Variants in ZFR observed in about 807,000 individuals in gnomAD.
ZFR encodes the protein zinc finger RNA binding protein.
Under a neutral mutation model 130.7 loss-of-function variants are expected in ZFR, and 19 were observed. The observed-to-expected ratio is 0.15, with a 90% CI of 0.10 to 0.21. ZFR has a LOEUF of 0.21. Among genes scored for constraint, ZFR ranks in the 10% least tolerant of loss-of-function variants. The pLI is 1.00. For synonymous variants in ZFR, 466 were observed against 456.9 expected, an observed-to-expected ratio of 1.02 and a Z score of -0.25; for missense variants, 872 against 1,321.5, an observed-to-expected ratio of 0.66 and a Z score of 5.27.
intron 17 of ZFR, among the ~76,000 whole-genome samples, chr5:32,368,607 T>C (rs1224130504): frequency 6.6e-6 from 1 of 152,200 alleles, no homozygotes; most frequent in Non-Finnish European, 1.5e-5. Flanking sequence ...GGGCTATTAC[T>C]ACATAAGAAA....
At chr5:32,383,180 A>G (rs969117021) in intron 15 of ZFR, among the ~76,000 whole-genome samples, 3 of 152,212 alleles carry the variant, frequency 2.0e-5, no homozygotes, top group Non-Finnish European at 2.9e-5. Context: ...AAAACAAACA[A>G]AACAGCCACA....
intron 17 of ZFR, among the ~76,000 whole-genome samples, chr5:32,374,163 G>C (rs1420468991): frequency 6.6e-6 from 1 of 152,194 alleles, no homozygotes; most frequent in East Asian, 1.9e-4. Flanking sequence ...CAAAGTTTAA[G>C]AAAGCAGGAA....
chr5:32,380,369 A>C, intron 15 of ZFR, 197 bp from the exon 16 acceptor site: 1 of 446,726 alleles, frequency 2.2e-6, no homozygotes, highest in South Asian at 3.9e-5. Flanking sequence ...TTAATTTAGT[A>C]ATATAATAAA....
intron 4 of ZFR, among the ~76,000 whole-genome samples, chr5:32,415,762 G>A (rs1753813338): frequency 6.6e-6 from 1 of 152,048 alleles, no homozygotes; most frequent in Non-Finnish European, 1.5e-5. Context: ...TTAAATGGCT[G>A]CCACTGATGT....
chr5:32,419,584 C>CA (rs1159630495), intron 3 of ZFR, among the ~76,000 whole-genome samples: 2 of 152,170 alleles, frequency 1.3e-5, no homozygotes, highest in African/African-American at 2.4e-5. Flanking sequence ...GTGATCCACC[C>CA]ACCTTGGCCT....
intron 4 of ZFR, 26 bp from the exon 5 acceptor site, chr5:32,415,213 A>C (rs1229861593): frequency 6.2e-7 from 1 of 1,603,772 alleles, no homozygotes. Context: ...GACATCAGAA[A>C]ATTAGAAGAG....
Position 32,397,200 on chromosome 5 carries a change from T to A in ZFR, c.1833+19A>T, listed in dbSNP as rs770707586. ...TTGTTTTTTGTTTTAAAGAAGGTAA[T>A]AGCTGAAATTTTACTCACTTTATAT... On this transcript the variant is annotated intron_variant, in intron 10 of 19. Coordinates refer to ENST00000265069, the MANE Select transcript of ZFR (RefSeq NM_016107.5). The A allele has an allele frequency of 1.3e-6, 2 of 1,581,380 alleles. No homozygotes were observed. The highest frequency in any genetic ancestry group is 8.6e-7 in the Non-Finnish European group (1 of 1,167,130).
intron 5 of ZFR, among the ~76,000 whole-genome samples, chr5:32,410,164 G>A (rs781097045): frequency 2.6e-4 from 39 of 151,050 alleles, no homozygotes; most frequent in Middle Eastern, 3.4e-3. Flanking sequence ...AAATTAGCCC[G>A]GTGTGGTGGC....
intron 2 of ZFR, among the ~76,000 whole-genome samples, chr5:32,436,104 T>C (rs1469194263): frequency 6.6e-6 from 1 of 150,448 alleles, no homozygotes; most frequent in African/African-American, 2.4e-5. Flanking sequence ...TTTCTTTCCC[T>C]GGTCCTACCT....
At chr5:32,385,226 ATAATTTT>A in intron 15 of ZFR, among the ~76,000 whole-genome samples, 1 of 35,610 alleles carries the variant, frequency 2.8e-5, no homozygotes, top group Non-Finnish European at 5.5e-5. Context: ...GCCAGTAAAA[ATAATTTT>A]GAAGTTTTTT....
At chr5:32,369,519 A>AC (rs1752614703) in intron 17 of ZFR, among the ~76,000 whole-genome samples, 1 of 152,014 alleles carries the variant, frequency 6.6e-6, no homozygotes, top group Non-Finnish European at 1.5e-5. Context: ...ACAAAACAAA[A>AC]AACTGGTCAG....
At chr5:32,375,906 C>T (rs963073468) in intron 17 of ZFR, among the ~76,000 whole-genome samples, 22 of 151,338 alleles carry the variant, frequency 1.5e-4, no homozygotes, top group African/African-American at 5.3e-4. Context: ...TACAGTGGCA[C>T]GATCTCGGCT....
chr5:32,429,285 C>G (rs1754148667), intron 2 of ZFR, among the ~76,000 whole-genome samples: 1 of 152,154 alleles, frequency 6.6e-6, no homozygotes, highest in Non-Finnish European at 1.5e-5. Context: ...TGCGTCTGGC[C>G]TCTTCTTCCA....
At chr5:32,366,441 T>C (rs1439369052) in intron 17 of ZFR, among the ~76,000 whole-genome samples, 2 of 152,200 alleles carry the variant, frequency 1.3e-5, no homozygotes, top group Non-Finnish European at 2.9e-5. Flanking sequence ...GCATTTCTGA[T>C]TTATACCAGC....
chr5:32,378,296 G>A (rs950825164), intron 17 of ZFR, among the ~76,000 whole-genome samples: 6 of 152,134 alleles, frequency 3.9e-5, no homozygotes, highest in Non-Finnish European at 4.4e-5. Context: ...CATGTCCATA[G>A]AAAGAATGCA....
At chr5:32,420,301 CTTT>C in intron 2 of ZFR, among the ~76,000 whole-genome samples, 198 bp from the exon 3 acceptor site, 2 of 149,924 alleles carry the variant, frequency 1.3e-5, no homozygotes, top group Middle Eastern at 3.4e-3. Flanking sequence ...AATTTTCATT[CTTT>C]TTTTTTTAAA....
chr5:32,404,582 T>C (rs1458914237), intron 6 of ZFR, among the ~76,000 whole-genome samples: 3 of 152,190 alleles, frequency 2.0e-5, no homozygotes, highest in Non-Finnish European at 4.4e-5. Context: ...CATTTTGACA[T>C]AGAATCTGTA....
At chr5:32,363,492 A>G (rs1422700781) in intron 19 of ZFR, among the ~76,000 whole-genome samples, 1 of 152,192 alleles carries the variant, frequency 6.6e-6, no homozygotes, top group African/African-American at 2.4e-5. Context: ...GAGATGGCAG[A>G]GTTGGTAGTC....
intron 2 of ZFR, among the ~76,000 whole-genome samples, chr5:32,435,212 C>T (rs1482342810): frequency 2.0e-5 from 3 of 152,188 alleles, no homozygotes; most frequent in African/African-American, 7.2e-5. Flanking sequence ...CACCCGACCT[C>T]TGTAACTTTT....
Sources: gnomAD v4.1 joint callset for allele counts (sites outside exome capture counted in the v4.1 genomes callset) on GRCh38, gnomAD v4.1.1 for gene constraint, MANE v1.5 for transcripts, NCBI Gene and HGNC (gene_info 2026-07-23, HGNC 2026-07-21) for gene names.